Variants in LRRC69 observed in about 807,000 individuals in gnomAD.
LRRC69 encodes leucine rich repeat containing 69.
LRRC69 carries 42 observed loss-of-function variants against 37.8 expected under a neutral mutation model. That is an observed-to-expected ratio of 1.11 (90% confidence interval 0.87 to 1.44). The LOEUF (loss-of-function observed/expected upper bound fraction) is 1.44. LRRC69 is among the 40% of genes most tolerant of loss of function. The pLI is 0.00. For missense variants in LRRC69, 357 were observed against 401.9 expected, an observed-to-expected ratio of 0.89 and a Z score of 0.96; for synonymous variants, 141 against 143.1, an observed-to-expected ratio of 0.99 and a Z score of 0.11.
intron 5 of LRRC69, among the ~76,000 whole-genome samples, chr8:91,159,725 A>G (rs1256302201): frequency 6.6e-6 from 1 of 151,220 alleles, no homozygotes; most frequent in African/African-American, 2.4e-5. Context: ...AAAGAAAAGG[A>G]ACAAAGAAAA....
At chr8:91,207,245 T>A (rs781491883) in intron 7 of LRRC69, among the ~76,000 whole-genome samples, 5 of 152,208 alleles carry the variant, frequency 3.3e-5, no homozygotes, top group Non-Finnish European at 5.9e-5. Context: ...CTAAGCTTCC[T>A]CATCCTGTCA....
At position 91,187,696 on chromosome 8, in the gene LRRC69, A is replaced by G. The variant is rs1171272360; in HGVS notation, c.652-1826A>G. Among the ~76,000 whole-genome samples, 6 of 152,142 alleles carry G rather than the reference A, an allele frequency of 3.9e-5. No individual in the cohort carries two copies. The South Asian group carries it at 6.2e-4, about 16-fold the overall frequency. On this transcript the variant is annotated intron_variant, in intron 5 of 7. Transcript: ENST00000448384. ...TACTGATACCCTGCCTCCAAACTCA[A>G]CTGACATACGGTCTTATTCTCTGCT...
intron 7 of LRRC69, among the ~76,000 whole-genome samples, chr8:91,217,891 G>A (rs1810082968): frequency 6.6e-6 from 1 of 152,134 alleles, no homozygotes; most frequent in Non-Finnish European, 1.5e-5. Context: ...ATAGTGCTGT[G>A]TATCCTCTAA....
At chr8:91,108,550 A>G (rs975402849) in intron 1 of LRRC69, among the ~76,000 whole-genome samples, 1 of 152,028 alleles carries the variant, frequency 6.6e-6, no homozygotes, top group Non-Finnish European at 1.5e-5. Context: ...GTCTTGTGCT[A>G]TGAGAGTCTC....
intron 3 of LRRC69, among the ~76,000 whole-genome samples, chr8:91,129,459 A>G (rs926600789): frequency 3.3e-5 from 5 of 151,968 alleles, no homozygotes; most frequent in Admixed American, 2.0e-4. Flanking sequence ...TGATGGACAA[A>G]TGAACAATAG....
intron 5 of LRRC69, among the ~76,000 whole-genome samples, chr8:91,147,698 C>T (rs1384488803): frequency 1.3e-5 from 2 of 151,684 alleles, no homozygotes; most frequent in Non-Finnish European, 2.9e-5. Flanking sequence ...TTTACTATTC[C>T]TATTTTAAAA....
intron 5 of LRRC69, among the ~76,000 whole-genome samples, chr8:91,168,368 T>G (rs552616830): frequency 0.052 from 7,935 of 151,966 alleles, 296 homozygotes; most frequent in Middle Eastern, 0.16. Flanking sequence ...CACCCCCATC[T>G]CCAGCCCTCC....
chr8:91,170,917 A>C (rs952132095), intron 5 of LRRC69, among the ~76,000 whole-genome samples: 1 of 139,734 alleles, frequency 7.2e-6, no homozygotes. Context: ...TAATTAAACT[A>C]AAGAGCTTCT....
intron 5 of LRRC69, among the ~76,000 whole-genome samples, chr8:91,168,048 C>G (rs1809060072): frequency 6.6e-6 from 1 of 151,698 alleles, no homozygotes; most frequent in Non-Finnish European, 1.5e-5. Context: ...GTGAATAATA[C>G]AAATTCCCTG....
At chr8:91,197,941 G>T (rs1229709245) in intron 6 of LRRC69, among the ~76,000 whole-genome samples, 1 of 152,174 alleles carries the variant, frequency 6.6e-6, no homozygotes, top group Non-Finnish European at 1.5e-5. Flanking sequence ...TAAATGATGT[G>T]TGTAGTTTTA....
intron 5 of LRRC69, among the ~76,000 whole-genome samples, chr8:91,169,845 A>G (rs1166944520): frequency 7.3e-6 from 1 of 136,822 alleles, no homozygotes; most frequent in East Asian, 2.1e-4. Flanking sequence ...CCTACAAAGG[A>G]CATGAACTCA....
chr8:91,137,836 G>C (rs763701678), intron 5 of LRRC69, among the ~76,000 whole-genome samples: 1 of 151,950 alleles, frequency 6.6e-6, no homozygotes, highest in South Asian at 2.1e-4. Context: ...AGAAATGACC[G>C]ACTCTAGGTC....
At chr8:91,185,865 C>T (rs1408590299) in intron 5 of LRRC69, among the ~76,000 whole-genome samples, 2 of 152,118 alleles carry the variant, frequency 1.3e-5, no homozygotes, top group African/African-American at 4.8e-5. Flanking sequence ...AGGGATTTGT[C>T]ATACCCTACT....
chr8:91,134,077 G>A (rs1813861000), intron 4 of LRRC69, among the ~76,000 whole-genome samples: 2 of 150,926 alleles, frequency 1.3e-5, no homozygotes, highest in Non-Finnish European at 2.9e-5. Flanking sequence ...TTCTGCTTGG[G>A]AGACTGACCT....
At chr8:91,131,160 T>C (rs977982709) in intron 3 of LRRC69, among the ~76,000 whole-genome samples, 5 of 152,012 alleles carry the variant, frequency 3.3e-5, no homozygotes, top group African/African-American at 7.2e-5. Context: ...AGTGAGTCTT[T>C]TGATTTTATT....
At chr8:91,177,578 T>A (rs374587773) in intron 5 of LRRC69, among the ~76,000 whole-genome samples, 6 of 152,160 alleles carry the variant, frequency 3.9e-5, no homozygotes, top group Non-Finnish European at 7.3e-5. Context: ...TATATAGGTA[T>A]GAATGAACAC....
intron 6 of LRRC69, among the ~76,000 whole-genome samples, chr8:91,191,645 G>A (rs1455431091): frequency 2.0e-5 from 3 of 152,162 alleles, no homozygotes; most frequent in Non-Finnish European, 4.4e-5. Flanking sequence ...AGGGAGCTGA[G>A]GGAAATGGAG....
chr8:91,124,599 G>GATTT lies in LRRC69; in HGVS notation c.291_294dup (p.Ala99IlefsTer7). On this transcript the variant is annotated frameshift_variant, in exon 2 of 8. Transcript: ENST00000448384. LOFTEE classifies it high-confidence loss of function. ...CATTTATCTGGAAATAGGATCTGTA[G>GATTT]ATTTGCACCTGGAGCCTGTGGTAAT... 1 of 1,539,672 alleles carries GATTT rather than the reference G, an allele frequency of 6.5e-7. No individual in the cohort carries two copies. The highest frequency in any genetic ancestry group is 8.7e-7 in the Non-Finnish European group (1 of 1,143,066).
chr8:91,164,769 A>G (rs1181531050), intron 5 of LRRC69, among the ~76,000 whole-genome samples: 1 of 151,690 alleles, frequency 6.6e-6, no homozygotes, highest in Non-Finnish European at 1.5e-5. Context: ...ACTTTTCTCA[A>G]TTTCAGAGCT....
Sources: allele counts gnomAD v4.1 joint callset (sites outside exome capture counted in the v4.1 genomes callset), GRCh38; gene constraint gnomAD v4.1.1; transcripts MANE v1.5; gene names NCBI Gene and HGNC (gene_info 2026-07-23, HGNC 2026-07-21).